Variants in VPS13B observed in about 807,000 individuals in gnomAD.
The protein encoded by VPS13B is vacuolar protein sorting 13 homolog B.
Under a neutral mutation model 426.4 loss-of-function variants are expected in VPS13B, and 285 were observed. The observed-to-expected ratio is 0.67, with a 90% CI of 0.61 to 0.74. The LOEUF (loss-of-function observed/expected upper bound fraction) is 0.74. VPS13B is among the 30% of genes least tolerant of loss of function. The pLI is 0.00. For missense variants in VPS13B, 4,537 were observed against 4,782.6 expected, an observed-to-expected ratio of 0.95 and a Z score of 1.51; for synonymous variants, 1,676 against 1,676.4, an observed-to-expected ratio of 1.00 and a Z score of 0.01.
rs780314838 is a variant in VPS13B, at chr8:99,103,112, A to G, written c.572A>G (p.Asp191Gly). 1.9e-6 allele frequency: 3 copies of G among 1,613,952 alleles called. No homozygotes were observed. Among genetic ancestry groups the G allele is most frequent in the South Asian group, 1.1e-5 (1 of 91,068 alleles). The change falls in exon 5 of 62, where the codon GAT becomes GGT. Residue 191 changes from aspartate to glycine, a missense_variant. This residue lies in a region of VPS13B where 226 missense variants were observed against 308.3 expected (regional missense o/e 0.73). Coordinates refer to ENST00000357162, the MANE Select transcript of VPS13B (RefSeq NM_152564.5). ...GAATTATGGGATCGTGCATTCATGG[A>G]TATTTCTGGTGAGTAAATATGGAGA... ...VGELWDRAFM[D>G]ISATDLVLRK... is the part of the protein sequence containing the mutation.
chr8:99,198,861 C>CCT (rs1180302774), intron 17 of VPS13B, among the ~76,000 whole-genome samples: 1 of 151,830 alleles, frequency 6.6e-6, no homozygotes, highest in Non-Finnish European at 1.5e-5. Flanking sequence ...GAGAACAAAA[C>CCT]CTCATTCTGT....
intron 33 of VPS13B, among the ~76,000 whole-genome samples, chr8:99,597,350 A>G (rs1270173730): frequency 6.6e-6 from 1 of 152,044 alleles, no homozygotes; most frequent in Non-Finnish European, 1.5e-5. Context: ...GTTTAGGTAT[A>G]ATACTGAAGC....
chr8:99,249,496 G>C (rs1011152659), intron 17 of VPS13B, among the ~76,000 whole-genome samples: 1 of 150,054 alleles, frequency 6.7e-6, no homozygotes, highest in East Asian at 2.0e-4. Context: ...GCGCGGTCTC[G>C]GCTCACTGCA....
At chr8:99,625,964 A>G (rs1257174772) in intron 33 of VPS13B, among the ~76,000 whole-genome samples, 4 of 152,248 alleles carry the variant, frequency 2.6e-5, no homozygotes, top group Admixed American at 2.6e-4. Flanking sequence ...TGACAGTAAT[A>G]CTGACTTTAC....
chr8:99,766,066 C>CTTTTT (rs71274933), intron 39 of VPS13B, among the ~76,000 whole-genome samples: 4 of 52,340 alleles, frequency 7.6e-5, no homozygotes, highest in Non-Finnish European at 9.7e-5. Flanking sequence ...ACCTTCATTA[C>CTTTTT]TTTTTTTTTT....
At chr8:99,130,388 CTTTTTT>C (rs539820640) in intron 8 of VPS13B, among the ~76,000 whole-genome samples, 103 of 135,116 alleles carry the variant, frequency 7.6e-4, no homozygotes, top group South Asian at 1.6e-3. Flanking sequence ...TGTTCGGGTC[CTTTTTT>C]TTTTTTTTTT....
At chr8:99,456,402 C>G (rs1339226021) in intron 23 of VPS13B, among the ~76,000 whole-genome samples, 1 of 152,144 alleles carries the variant, frequency 6.6e-6, no homozygotes, top group Admixed American at 6.5e-5. Flanking sequence ...CTCCTGACCT[C>G]AAGTGATCTG....
At chr8:99,105,286 A>G (rs1336784293) in intron 5 of VPS13B, among the ~76,000 whole-genome samples, 2 of 152,210 alleles carry the variant, frequency 1.3e-5, no homozygotes, top group Non-Finnish European at 2.9e-5. Context: ...AGGCTGGAAG[A>G]AGCAGCTATG....
At chr8:99,625,172 G>T (rs1217967107) in intron 33 of VPS13B, among the ~76,000 whole-genome samples, 1 of 152,096 alleles carries the variant, frequency 6.6e-6, no homozygotes, top group South Asian at 2.1e-4. Flanking sequence ...CACAGTTTTA[G>T]ACCAGAACTT....
chr8:99,237,548 A>G (rs1816706443), intron 17 of VPS13B, among the ~76,000 whole-genome samples: 1 of 152,204 alleles, frequency 6.6e-6, no homozygotes, highest in Non-Finnish European at 1.5e-5. Context: ...AAAGAAATGA[A>G]TAAATAAACA....
intron 30 of VPS13B, among the ~76,000 whole-genome samples, chr8:99,541,737 T>G (rs555057817): frequency 1.3e-5 from 2 of 151,858 alleles, no homozygotes; most frequent in South Asian, 4.1e-4. Context: ...AAGAAAAAAA[T>G]GTATCTTTTT....
Position 99,408,628 on chromosome 8 carries a change from C to T in VPS13B, c.3082+16924C>T, listed in dbSNP as rs115685210. 8.6e-3 allele frequency among the ~76,000 whole-genome samples: 1,303 copies of T among 152,172 alleles called. 19 individuals are homozygous for T. Among genetic ancestry groups the T allele is most frequent in the African/African-American group, 0.029 (1,212 of 41,522 alleles). On this transcript the variant is annotated intron_variant, in intron 21 of 61. Coordinates refer to ENST00000357162, the MANE Select transcript of VPS13B (RefSeq NM_152564.5). ...ACTATCCAAATGGAGATGTTCAGTACGCAGTTGGATAAATAGTCTGGAGCT... is the reference window on the plus strand; with the variant it reads ...ACTATCCAAATGGAGATGTTCAGTATGCAGTTGGATAAATAGTCTGGAGCT...
intron 13 of VPS13B, among the ~76,000 whole-genome samples, chr8:99,144,162 C>A (rs1405907993): frequency 6.6e-6 from 1 of 152,000 alleles, no homozygotes; most frequent in Non-Finnish European, 1.5e-5. Context: ...GGCACCATGT[C>A]CGCCCTGGAT....
chr8:99,275,378 A>C, intron 19 of VPS13B, 124 bp downstream of exon 19: 4 of 890,508 alleles, frequency 4.5e-6, no homozygotes, highest in Non-Finnish European at 6.5e-6. Flanking sequence ...CTTACTCTGC[A>C]GTTGTGCTTT....
chr8:99,547,522 A>AT (rs2133745120), intron 30 of VPS13B, among the ~76,000 whole-genome samples: 1 of 152,224 alleles, frequency 6.6e-6, no homozygotes, highest in Non-Finnish European at 1.5e-5. Context: ...TTCCCGAGAT[A>AT]TGCCTATTCA....
intron 21 of VPS13B, among the ~76,000 whole-genome samples, chr8:99,416,634 T>G (rs1433339357): frequency 1.3e-5 from 2 of 152,162 alleles, no homozygotes; most frequent in Admixed American, 1.3e-4. Context: ...CCGTTCCTCA[T>G]GGCACAGTCC....
Position 99,168,237 on chromosome 8 carries a change from A to G in VPS13B, c.2209-1802A>G, listed in dbSNP as rs547683062. On this transcript the variant is annotated intron_variant, in intron 15 of 61. Coordinates refer to ENST00000357162, the MANE Select transcript of VPS13B (RefSeq NM_152564.5). ...GTTTTCTTAGAAGCATCTCTAGGCA[A>G]CACAAAAGTATAATAAAGACTTTTA... Among the ~76,000 whole-genome samples the G allele has an allele frequency of 3.3e-5, 5 of 152,262 alleles. No homozygotes were observed. In the East Asian group the frequency reaches 9.6e-4, roughly 29 times the overall value.
chr8:99,450,736 T>G (rs897402249), intron 23 of VPS13B, among the ~76,000 whole-genome samples: 3 of 152,080 alleles, frequency 2.0e-5, no homozygotes, highest in Admixed American at 6.6e-5. Context: ...ATTTTTTTCT[T>G]TATCTTTTTT....
chr8:99,803,859 C>T (rs1421475613), intron 43 of VPS13B, among the ~76,000 whole-genome samples: 1 of 152,076 alleles, frequency 6.6e-6, no homozygotes, highest in Non-Finnish European at 1.5e-5. Context: ...TTTGGATAGA[C>T]AAGAATTATT....
Sources: gnomAD v4.1 joint callset for allele counts (sites outside exome capture counted in the v4.1 genomes callset) on GRCh38, gnomAD v4.1.1 for gene constraint, gnomAD v4.1.1 regional missense constraint, MANE v1.5 for transcripts, NCBI Gene and HGNC (gene_info 2026-07-23, HGNC 2026-07-21) for gene names.